Variants in F10 observed in about 807,000 individuals in gnomAD.
F10 encodes the protein coagulation factor X.
F10 carries 29 observed loss-of-function variants against 37.1 expected under a neutral mutation model. The observed-to-expected ratio is 0.78, with a 90% CI of 0.58 to 1.07. F10 has a LOEUF of 1.07. F10 is among the 50% of genes least tolerant of loss of function. The pLI is 0.00. For missense variants in F10, 539 were observed against 667.9 expected, an observed-to-expected ratio of 0.81 and a Z score of 2.13; for synonymous variants, 262 against 268.6, an observed-to-expected ratio of 0.98 and a Z score of 0.24.
chr13:113,132,421 G>T (rs2036442988), intron 2 of F10, among the ~76,000 whole-genome samples: 1 of 152,144 alleles, frequency 6.6e-6, no homozygotes, highest in Non-Finnish European at 1.5e-5. Flanking sequence ...GGCCATATAA[G>T]TTATTTCTAA....
rs759189480 is a variant in F10, at chr13:113,143,945, A to G, written c.597A>G (p.Thr199=). Residue 199 remains threonine (T), a synonymous_variant, in exon 6 of 8, where the codon ACA becomes ACG. Transcript: ENST00000375559. This position sits in a 1 kb window ranked among gnomAD's most constrained non-coding sequence, Gnocchi z 6.8. ...SSSGEAPDSI[T]WKPYDAADLD... ...GCGGGGAGGCCCCTGACAGCATCAC[A>G]TGGAAGCCATATGATGCAGCCGACC... 2 of 1,613,532 alleles carry G rather than the reference A, an allele frequency of 1.2e-6. No individual in the cohort carries two copies. The highest frequency in any genetic ancestry group is 1.7e-6 in the Non-Finnish European group (2 of 1,179,976).
At chr13:113,145,165 A>C (rs776900) in intron 6 of F10, among the ~76,000 whole-genome samples, 103,647 of 152,036 alleles carry the variant, frequency 0.68, 35,423 homozygotes, top group Middle Eastern at 0.79. Flanking sequence ...CAGGCGTGAG[A>C]CAATGTGCCC....
At chr13:113,140,487 TG>T in intron 4 of F10, 2 of 474,000 alleles carry the variant, frequency 4.2e-6, no homozygotes, top group South Asian at 3.1e-5. Flanking sequence ...GTCGCCTCCC[TG>T]GAACACCATT....
chr13:113,143,704 G>C lies in F10; in HGVS notation c.503-147G>C. ...AGATCCGACCCCTGCCGACGACGTG[G>C]GGCCTCGCCCTGCAAGCCCGCTGCC... On this transcript the variant is annotated intron_variant, in intron 5 of 7. Transcript: ENST00000375559. The surrounding 1 kb of genome is among the most constrained non-coding windows in gnomAD (Gnocchi z 6.8). 5 of 1,188,314 alleles carry C rather than the reference G, an allele frequency of 4.2e-6. No homozygotes were observed. The highest frequency in any genetic ancestry group is 5.1e-5 in the East Asian group (2 of 39,026). The allele number at this position is 1,188,314 out of a possible 1,614,324, so 73.6% of individuals were successfully genotyped here. A position where few individuals can be genotyped will look rare whatever the true frequency, so the allele number is the denominator to read the frequency against.
intron 2 of F10, chr13:113,129,948 T>C (rs1054322101): frequency 5.7e-6 from 2 of 353,856 alleles, no homozygotes; most frequent in Non-Finnish European, 1.1e-5. Flanking sequence ...GGCCAGCGCC[T>C]CGCCGAGTTG....
chr13:113,149,177 G>C lies in F10; in HGVS notation c.1127G>C (p.Arg376Thr). 1 of 1,613,006 alleles carries C rather than the reference G, an allele frequency of 6.2e-7. No individual in the cohort carries two copies. The change falls in exon 8 of 8, where the codon AGG becomes ACG. Residue 376 changes from arginine to threonine, a missense_variant. By Grantham distance (71) the Arg-to-Thr change is moderately conservative. This residue lies in a region of F10 where 409 missense variants were observed against 547.9 expected (regional missense o/e 0.75). Coordinates refer to ENST00000375559, the MANE Select transcript of F10 (RefSeq NM_000504.4). This position sits in a 1 kb window ranked among gnomAD's most constrained non-coding sequence, Gnocchi z 7.5. ...RTHEKGRQSTRLKMLEVPYVD... is the reference protein window; with the variant it reads ...RTHEKGRQSTTLKMLEVPYVD... ...CACGAGAAGGGCCGGCAGTCCACCA[G>C]GCTCAAGATGCTGGAGGTGCCCTAC...
At position 113,122,839 on chromosome 13, in the gene F10, C is replaced by G. The variant is rs909384773; in HGVS notation, c.-17C>G. The G allele has an allele frequency of 6.2e-7, 1 of 1,609,020 alleles. No homozygotes were observed. Among genetic ancestry groups the G allele is most frequent in the Non-Finnish European group, 8.5e-7 (1 of 1,179,958 alleles). On this transcript the variant is annotated 5_prime_UTR_variant, in exon 1 of 8. Coordinates refer to ENST00000375559, the MANE Select transcript of F10 (RefSeq NM_000504.4). ...GCCTGTCCCAGTGAGGACAGGGACA[C>G]AGTACTCGGCCACACCATGGGGCGC...
rs1005050648 is a variant in F10, at chr13:113,141,438, G to C, written c.502+388G>C. Among the ~76,000 whole-genome samples, 1 of 152,234 alleles carries C rather than the reference G, an allele frequency of 6.6e-6. No individual in the cohort carries two copies. Among genetic ancestry groups the C allele is most frequent in the Non-Finnish European group, 1.5e-5 (1 of 68,038 alleles). On this transcript the variant is annotated intron_variant, in intron 5 of 7. Transcript: ENST00000375559. This position sits in a 1 kb window ranked among gnomAD's most constrained non-coding sequence, Gnocchi z 5.4. The stretch of plus-strand genomic sequence containing the variant: ...TGCAAGGGCTCAAAGCACCAGGGCA[G>C]GCAAAGGGCAGAGCTGGCCCGAGGA...
chr13:113,122,876 C>T lies in F10; in HGVS notation c.21C>T (p.Leu7=), dbSNP rs765863253. 75 of 1,610,736 alleles carry T rather than the reference C, an allele frequency of 4.7e-5. 2 individuals carry two copies. In the South Asian group the frequency reaches 7.1e-4, roughly 15 times the overall value. Reference sequence around the variant, plus strand: ...ACACCATGGGGCGCCCACTGCACCTCGTCCTGCTCAGTGCCTCCCTGGCTG... The same window carrying T: ...ACACCATGGGGCGCCCACTGCACCTTGTCCTGCTCAGTGCCTCCCTGGCTG... The part of the protein sequence containing the change: MGRPLH[L]VLLSASLAGL... Residue 7 remains leucine, a synonymous_variant, in exon 1 of 8, where the codon CTC becomes CTT. Coordinates refer to ENST00000375559, the MANE Select transcript of F10 (RefSeq NM_000504.4).
At chr13:113,130,233 A>C (rs556238463) in intron 2 of F10, 1 of 163,138 alleles carries the variant, frequency 6.1e-6, no homozygotes, top group African/African-American at 2.4e-5. Context: ...TCCACACCGG[A>C]CGACGAACCC....
chr13:113,149,067 G>T lies in F10; in HGVS notation c.1017G>T (p.Ala339=), dbSNP rs764999398. 7 of 1,613,230 alleles carry T rather than the reference G, an allele frequency of 4.3e-6. No homozygotes were observed. Among genetic ancestry groups the T allele is most frequent in the Middle Eastern group, 1.6e-4 (1 of 6,062 alleles). ...CCATCACCTTCCGCATGAACGTGGC[G>T]CCTGCCTGCCTCCCCGAGCGTGACT... ...KTPITFRMNV[A]PACLPERDWA... is the part of the protein sequence containing the mutation. Residue 339 remains alanine (A), a synonymous_variant, in exon 8 of 8, where the codon GCG becomes GCT. Coordinates refer to ENST00000375559, the MANE Select transcript of F10 (RefSeq NM_000504.4). This position sits in a 1 kb window ranked among gnomAD's most constrained non-coding sequence, Gnocchi z 7.5.
chr13:113,136,598 C>G (rs997351828), intron 2 of F10, among the ~76,000 whole-genome samples: 20 of 146,080 alleles, frequency 1.4e-4, no homozygotes, highest in Non-Finnish European at 2.4e-4. Flanking sequence ...GCTGGGATTA[C>G]AGGTGTGTGC....
intron 6 of F10, among the ~76,000 whole-genome samples, chr13:113,145,112 C>T (rs960781134): frequency 6.6e-6 from 1 of 152,182 alleles, no homozygotes; most frequent in African/African-American, 2.4e-5. Context: ...CATCTCCTGA[C>T]CTGGTGATCT....
rs368624585 is a variant in F10 at position 113,149,054 on chromosome 13, G to A, written c.1004G>A (p.Arg335His). 72 of 1,613,282 alleles carry A rather than the reference G, an allele frequency of 4.5e-5. No individual in the cohort carries two copies. The highest frequency in any genetic ancestry group is 5.8e-5 in the Non-Finnish European group (68 of 1,180,040). ...CGGCTCAAGACCCCCATCACCTTCC[G>A]CATGAACGTGGCGCCTGCCTGCCTC... ...VLRLKTPITF[R>H]MNVAPACLPE... is the part of the protein sequence containing the mutation. The change falls in exon 8 of 8, where the codon CGC (arginine) becomes CAC (histidine). Residue 335 changes from arginine to histidine, a missense_variant. Physicochemically the swap from Arg to His is conservative, Grantham distance 29. Around this residue, in one of 2 missense-constraint regions of F10, gnomAD observed 409 missense variants for 547.9 expected, o/e 0.75. Coordinates refer to ENST00000375559, the MANE Select transcript of F10 (RefSeq NM_000504.4). This position sits in a 1 kb window ranked among gnomAD's most constrained non-coding sequence, Gnocchi z 7.5.
intron 7 of F10, among the ~76,000 whole-genome samples, chr13:113,148,395 T>TAC (rs1159716239): frequency 3.6e-5 from 1 of 27,680 alleles, no homozygotes; most frequent in East Asian, 2.9e-3. Flanking sequence ...TATATACATA[T>TAC]ATATACACAC....
chr13:113,126,925 A>G (rs532019878), intron 1 of F10, among the ~76,000 whole-genome samples: 2 of 152,330 alleles, frequency 1.3e-5, no homozygotes, highest in African/African-American at 4.8e-5. Context: ...GGTTGCAGGG[A>G]GCCACGTGTG....
chr13:113,134,129 C>T (rs1450695272), intron 2 of F10, among the ~76,000 whole-genome samples: 1 of 152,146 alleles, frequency 6.6e-6, no homozygotes, highest in Non-Finnish European at 1.5e-5. Flanking sequence ...ACAAGAATGT[C>T]CATTCCCAAC....
At position 113,143,298 on chromosome 13, in the gene F10, G is replaced by T. The variant is rs2036549639; in HGVS notation, c.503-553G>T. 6.6e-6 allele frequency among the ~76,000 whole-genome samples: 1 copy of T among 152,166 alleles called. No homozygotes were observed. The highest frequency in any genetic ancestry group is 2.4e-5 in the African/African-American group (1 of 41,430). ...ACATCTCGGCGTGGCCTCTCTGGGAGCTGTGCTATTCCAGACGCTCTCCTG... is the reference window on the plus strand; with the variant it reads ...ACATCTCGGCGTGGCCTCTCTGGGATCTGTGCTATTCCAGACGCTCTCCTG... On this transcript the variant is annotated intron_variant, in intron 5 of 7. Coordinates refer to ENST00000375559, the MANE Select transcript of F10 (RefSeq NM_000504.4). This position sits in a 1 kb window ranked among gnomAD's most constrained non-coding sequence, Gnocchi z 6.8.
intron 5 of F10, among the ~76,000 whole-genome samples, chr13:113,142,314 G>A (rs1343441468): frequency 1.3e-5 from 2 of 152,094 alleles, no homozygotes; most frequent in Non-Finnish European, 2.9e-5. Context: ...GGCCAAGGCG[G>A]GCGGATCATG....
Sources: allele counts gnomAD v4.1 joint callset (sites outside exome capture counted in the v4.1 genomes callset), GRCh38; gene constraint gnomAD v4.1.1; regional missense constraint gnomAD v4.1.1; non-coding constraint Gnocchi (gnomAD v3.1); transcripts MANE v1.5; gene names NCBI Gene and HGNC (gene_info 2026-07-23, HGNC 2026-07-21).